The following ARID1B variants were observed in gnomAD, a reference collection of about 807,000 sequenced individuals.
ARID1B encodes the protein AT-rich interaction domain 1B, also known as AT-rich interactive domain-containing protein 1B.
A neutral mutation model predicts 212.3 loss-of-function variants in ARID1B; 30 were observed. That is an observed-to-expected ratio of 0.14 (90% CI 0.11 to 0.19). ARID1B has a LOEUF of 0.19. Among genes scored for constraint, ARID1B ranks in the 10% least tolerant of loss-of-function variants. The pLI is 1.00. For missense variants in ARID1B, 2,891 were observed against 3,204.0 expected (o/e 0.90, Z 2.36); for synonymous variants, 1,402 against 1,301.7 (o/e 1.08, Z -1.66).
At chr6:156,849,332 G>A (rs1010746584) in intron 2 of ARID1B, among the ~76,000 whole-genome samples, 4 of 152,154 alleles carry the variant, frequency 2.6e-5, no homozygotes, top group African/African-American at 9.7e-5. Flanking sequence ...TAGGGTTAAA[G>A]TAATAAATGC....
At chr6:157,090,697 C>T (rs1373530281) in intron 5 of ARID1B, among the ~76,000 whole-genome samples, 3 of 152,202 alleles carry the variant, frequency 2.0e-5, no homozygotes, top group East Asian at 1.9e-4. Context: ...CTGTTTGAGG[C>T]GCTCACCTGC....
intron 4 of ARID1B, among the ~76,000 whole-genome samples, chr6:157,040,978 A>G: frequency 6.6e-6 from 1 of 152,324 alleles, no homozygotes; most frequent in Non-Finnish European, 1.5e-5. Context: ...TCTAATTAAG[A>G]TAATTATTTT....
chr6:156,966,172 A>G (rs1583042645), intron 4 of ARID1B, among the ~76,000 whole-genome samples: 1 of 152,264 alleles, frequency 6.6e-6, no homozygotes, highest in East Asian at 1.9e-4. Flanking sequence ...CTGATTAACC[A>G]TTTCTTGCTT....
chr6:157,173,888 T>C (rs1188453273), intron 9 of ARID1B, 120 bp from the exon 10 acceptor site: 2 of 793,778 alleles, frequency 2.5e-6, no homozygotes, highest in Non-Finnish European at 4.0e-6. Flanking sequence ...TTCTTTTTTC[T>C]TTTCTTCCTT....
chr6:157,021,064 G>C (rs1233356053), intron 4 of ARID1B, among the ~76,000 whole-genome samples: 2 of 147,178 alleles, frequency 1.4e-5, no homozygotes, highest in Non-Finnish European at 3.0e-5. Context: ...GCGCGGCGGC[G>C]GCGTCCTTCC....
chr6:157,040,655 G>A (rs561291802), intron 4 of ARID1B, among the ~76,000 whole-genome samples: 7 of 152,272 alleles, frequency 4.6e-5, no homozygotes, highest in South Asian at 2.1e-4. Flanking sequence ...TACATGTGGC[G>A]AAACTACAAC....
chr6:157,002,538 G>A (rs1193750314), intron 4 of ARID1B, among the ~76,000 whole-genome samples: 1 of 152,228 alleles, frequency 6.6e-6, no homozygotes, highest in Non-Finnish European at 1.5e-5. Context: ...CATTTTCCAA[G>A]TTCCTGAGGC....
chr6:156,806,875 A>G (rs1015895394), intron 1 of ARID1B, among the ~76,000 whole-genome samples: 1 of 152,262 alleles, frequency 6.6e-6, no homozygotes, highest in African/African-American at 2.4e-5. Flanking sequence ...TGAAGTGTCC[A>G]TAGACAATCC....
At chr6:157,142,399 G>A (rs1162521541) in intron 7 of ARID1B, among the ~76,000 whole-genome samples, 2 of 152,114 alleles carry the variant, frequency 1.3e-5, no homozygotes, top group African/African-American at 2.4e-5. Flanking sequence ...GCCCGCGCGG[G>A]TATATTGTTT....
chr6:157,062,286 T>C lies in ARID1B; in HGVS notation c.2248-22376T>C, dbSNP rs564333692. Among the ~76,000 whole-genome samples the C allele has an allele frequency of 5.3e-5, 8 of 152,030 alleles. No homozygotes were observed. The South Asian group carries it at 1.7e-3, about 32-fold the overall frequency. ...GCCATAGCTCACTGCAGCCTCCAAC[T>C]GCTGGGCTCAAGCAGTCTTCCAGCC... is the stretch of plus-strand genomic sequence containing the variant. On this transcript the variant is annotated intron_variant, in intron 4 of 19. Transcript: ENST00000636930.
intron 6 of ARID1B, among the ~76,000 whole-genome samples, chr6:157,114,077 T>G (rs1787140391): frequency 6.6e-6 from 1 of 152,170 alleles, no homozygotes; most frequent in Admixed American, 6.5e-5. Flanking sequence ...AGAAAACTCT[T>G]ACTAGGAAAT....
At chr6:156,897,290 T>TATTATTATTATTATTATTATTA (rs1788555917) in intron 2 of ARID1B, among the ~76,000 whole-genome samples, 2 of 148,652 alleles carry the variant, frequency 1.3e-5, no homozygotes, top group East Asian at 2.0e-4. Context: ...TTATTATTAT[T>TATTATTATTATTATTATTATTA]TGAGACAGAG....
intron 6 of ARID1B, among the ~76,000 whole-genome samples, chr6:157,120,881 G>T (rs1235421569): frequency 2.6e-5 from 4 of 152,190 alleles, no homozygotes; most frequent in Admixed American, 6.5e-5. Flanking sequence ...CTTTGATGAA[G>T]AAATTAAATT....
At position 157,133,586 on chromosome 6, in the gene ARID1B, C is replaced by A. The variant is rs143693672; in HGVS notation, c.2761+379C>A. ...TGGGTTGGATTCTGGTTTGGCCCAT[C>A]CCTCTTAGTGATCACCGTCAAAACC... is the stretch of plus-strand genomic sequence containing the variant. On this transcript the variant is annotated intron_variant, in intron 7 of 19. Transcript: ENST00000636930. 5.9e-5 allele frequency among the ~76,000 whole-genome samples: 9 copies of A among 152,306 alleles called. No individual in the cohort carries two copies. In the East Asian group the frequency reaches 1.7e-3, roughly 29 times the overall value.
At chr6:156,843,457 C>T (rs1469549765) in intron 2 of ARID1B, among the ~76,000 whole-genome samples, 1 of 152,094 alleles carries the variant, frequency 6.6e-6, no homozygotes, top group Non-Finnish European at 1.5e-5. Context: ...ACAGCCGTAA[C>T]TGGGGCTTTG....
intron 4 of ARID1B, among the ~76,000 whole-genome samples, chr6:157,050,902 C>T (rs1233489978): frequency 6.6e-6 from 1 of 152,148 alleles, no homozygotes; most frequent in East Asian, 1.9e-4. Context: ...TGCATTCTTT[C>T]CTTTTACATA....
chr6:157,119,377 T>C (rs1040950530), intron 6 of ARID1B, among the ~76,000 whole-genome samples: 1 of 152,228 alleles, frequency 6.6e-6, no homozygotes, highest in Admixed American at 6.5e-5. Context: ...TGCACTGATC[T>C]GTGCGGTCAA....
chr6:157,088,978 C>T (rs1785117730), intron 5 of ARID1B, among the ~76,000 whole-genome samples: 1 of 152,216 alleles, frequency 6.6e-6, no homozygotes, highest in Non-Finnish European at 1.5e-5. Flanking sequence ...CTTCCTCTTA[C>T]TCCCAGCACC....
At chr6:157,059,849 T>C (rs929642272) in intron 4 of ARID1B, among the ~76,000 whole-genome samples, 8 of 152,210 alleles carry the variant, frequency 5.3e-5, no homozygotes, top group African/African-American at 1.9e-4. Flanking sequence ...GGAGTTTAAA[T>C]GAGATAGAAT....
Sources: allele counts gnomAD v4.1 joint callset (sites outside exome capture counted in the v4.1 genomes callset), GRCh38; gene constraint gnomAD v4.1.1; transcripts MANE v1.5; gene names NCBI Gene and HGNC (gene_info 2026-07-23, HGNC 2026-07-21).